HS6ST3: variants seen among roughly 807,000 people sequenced by gnomAD.
The protein encoded by HS6ST3 is heparan sulfate 6-O-sulfotransferase 3, also known as heparan-sulfate 6-O-sulfotransferase 3.
HS6ST3 carries 12 observed loss-of-function variants against 36.7 expected under a neutral mutation model. That is an observed-to-expected ratio of 0.33 (90% CI 0.21 to 0.53). The LOEUF is 0.53. Among genes scored for constraint, HS6ST3 ranks in the 20% least tolerant of loss-of-function variants. HS6ST3 has a pLI of 0.95. For missense variants in HS6ST3, 584 were observed against 640.9 expected (o/e 0.91, Z 0.96); for synonymous variants, 240 against 257.5 (o/e 0.93, Z 0.65).
At chr13:96,237,948 C>T (rs1205730543) in intron 1 of HS6ST3, among the ~76,000 whole-genome samples, 3 of 152,184 alleles carry the variant, frequency 2.0e-5, no homozygotes, top group African/African-American at 2.4e-5. Context: ...TTTAACTCCT[C>T]CTACCCCTGT....
At chr13:96,786,091 A>T (rs545103394) in intron 1 of HS6ST3, among the ~76,000 whole-genome samples, 1 of 152,072 alleles carries the variant, frequency 6.6e-6, no homozygotes, top group Non-Finnish European at 1.5e-5. Flanking sequence ...CCCTTACAGC[A>T]CTGCAGCCAC....
intron 1 of HS6ST3, among the ~76,000 whole-genome samples, chr13:96,544,906 G>T (rs1309148026): frequency 6.6e-6 from 1 of 152,114 alleles, no homozygotes; most frequent in Non-Finnish European, 1.5e-5. Context: ...ATTCACAAAT[G>T]TATTGCTTTA....
At chr13:96,359,513 G>A (rs1263609980) in intron 1 of HS6ST3, among the ~76,000 whole-genome samples, 1 of 152,138 alleles carries the variant, frequency 6.6e-6, no homozygotes, top group African/African-American at 2.4e-5. Flanking sequence ...TCTCATATGA[G>A]CAGCTCGGTA....
At chr13:96,490,671 G>A (rs2055940399) in intron 1 of HS6ST3, among the ~76,000 whole-genome samples, 1 of 152,118 alleles carries the variant, frequency 6.6e-6, no homozygotes, top group Non-Finnish European at 1.5e-5. Flanking sequence ...CACTTGAGAG[G>A]CATATTTTAT....
chr13:96,234,664 TG>T (rs2054525748), intron 1 of HS6ST3, among the ~76,000 whole-genome samples: 2 of 152,022 alleles, frequency 1.3e-5, no homozygotes, highest in Non-Finnish European at 2.9e-5. Context: ...GAGAAGAGCC[TG>T]GGAAAGACCC....
At chr13:96,426,234 C>G (rs1594777557) in intron 1 of HS6ST3, among the ~76,000 whole-genome samples, 2 of 152,226 alleles carry the variant, frequency 1.3e-5, no homozygotes, top group African/African-American at 4.8e-5. Context: ...GCTTCATAAC[C>G]TCATTTCAGG....
At chr13:96,489,375 AACACACAC>A (rs67334904) in intron 1 of HS6ST3, among the ~76,000 whole-genome samples, 1 of 147,990 alleles carries the variant, frequency 6.8e-6, no homozygotes, top group African/African-American at 2.5e-5. Flanking sequence ...TGTATATACA[AACACACAC>A]ACACACACAC....
chr13:96,425,540 T>C (rs970996701), intron 1 of HS6ST3, among the ~76,000 whole-genome samples: 1 of 152,192 alleles, frequency 6.6e-6, no homozygotes, highest in Non-Finnish European at 1.5e-5. Context: ...TCCTTTCTTA[T>C]TTGTAAAAAA....
intron 1 of HS6ST3, among the ~76,000 whole-genome samples, chr13:96,132,965 T>A (rs115267444): frequency 0.026 from 4,024 of 152,218 alleles, 61 homozygotes; most frequent in Non-Finnish European, 0.033. Context: ...CATTTTTTTT[T>A]AATCGGGTTA....
At chr13:96,320,801 G>A (rs556092633) in intron 1 of HS6ST3, among the ~76,000 whole-genome samples, 1 of 152,312 alleles carries the variant, frequency 6.6e-6, no homozygotes, top group African/African-American at 2.4e-5. Context: ...TCCCACATGA[G>A]TGAGACGTTG....
chr13:96,428,207 G>A (rs1413671430), intron 1 of HS6ST3, among the ~76,000 whole-genome samples: 1 of 152,012 alleles, frequency 6.6e-6, no homozygotes, highest in Non-Finnish European at 1.5e-5. Flanking sequence ...AAATTAGCCG[G>A]GCATGGTGGC....
chr13:96,447,218 C>G (rs565731892), intron 1 of HS6ST3, among the ~76,000 whole-genome samples: 3 of 152,078 alleles, frequency 2.0e-5, no homozygotes, highest in African/African-American at 4.8e-5. Flanking sequence ...TAAGGTCATC[C>G]GCTTTCATGC....
intron 1 of HS6ST3, among the ~76,000 whole-genome samples, chr13:96,171,112 C>T (rs947268296): frequency 6.6e-6 from 1 of 152,156 alleles, no homozygotes; most frequent in Non-Finnish European, 1.5e-5. Context: ...CACAAAATCC[C>T]ATAATTTTAG....
At chr13:96,268,990 A>T (rs565998552) in intron 1 of HS6ST3, among the ~76,000 whole-genome samples, 2 of 152,088 alleles carry the variant, frequency 1.3e-5, no homozygotes, top group East Asian at 3.9e-4. Flanking sequence ...CATGAACCAC[A>T]CTTGACTTTG....
intron 1 of HS6ST3, among the ~76,000 whole-genome samples, chr13:96,253,761 G>A (rs928118131): frequency 1.3e-5 from 2 of 151,840 alleles, no homozygotes; most frequent in African/African-American, 4.8e-5. Flanking sequence ...TTATTTACTC[G>A]TCTGCATCCA....
intron 1 of HS6ST3, among the ~76,000 whole-genome samples, chr13:96,392,182 G>T (rs1305954708): frequency 2.0e-5 from 3 of 152,174 alleles, no homozygotes; most frequent in Non-Finnish European, 4.4e-5. Flanking sequence ...TTAACAGTTT[G>T]CTTCAGCACA....
chr13:96,241,629 C>CTT (rs200980868), intron 1 of HS6ST3, among the ~76,000 whole-genome samples: 1,401 of 139,864 alleles, frequency 0.01, 23 homozygotes, highest in African/African-American at 0.035. Context: ...AATTTACCAA[C>CTT]TTTTTTTTTT....
At chr13:96,181,956 T>C (rs2139340486) in intron 1 of HS6ST3, among the ~76,000 whole-genome samples, 1 of 152,350 alleles carries the variant, frequency 6.6e-6, no homozygotes, top group East Asian at 1.9e-4. Context: ...GTTTAGTAAT[T>C]TCTGGCTTTA....
intron 1 of HS6ST3, among the ~76,000 whole-genome samples, chr13:96,529,217 TGG>T (rs2056126244): frequency 6.6e-6 from 1 of 152,122 alleles, no homozygotes; most frequent in Non-Finnish European, 1.5e-5. Flanking sequence ...CTAAGTATAA[TGG>T]AATAGCATAG....
Sources: gnomAD v4.1 joint callset for allele counts (sites outside exome capture counted in the v4.1 genomes callset) on GRCh38, gnomAD v4.1.1 for gene constraint, MANE v1.5 for transcripts, NCBI Gene and HGNC (gene_info 2026-07-23, HGNC 2026-07-21) for gene names.